HSF2BP: variants seen among roughly 807,000 people sequenced by gnomAD.
HSF2BP encodes heat shock transcription factor 2 binding protein.
In HSF2BP, 35 loss-of-function variants were observed where a neutral mutation model predicts 35.0. That is an observed-to-expected ratio of 1.00 (90% CI 0.76 to 1.32). The LOEUF is 1.32. Among genes scored for constraint, HSF2BP ranks in the 40% most tolerant of loss-of-function variants. The pLI is 0.00. For missense variants in HSF2BP, 326 were observed against 321.7 expected (o/e 1.01, Z -0.10); for synonymous variants, 114 against 117.4 (o/e 0.97, Z 0.18).
At chr21:43,596,427 T>C (rs1360634653) in intron 7 of HSF2BP, among the ~76,000 whole-genome samples, 1 of 151,948 alleles carries the variant, frequency 6.6e-6, no homozygotes, top group Non-Finnish European at 1.5e-5. Context: ...TTAATACTTA[T>C]TCCAGAAAAA....
rs529997070 is a variant in HSF2BP, at chr21:43,616,088, A to G, written c.575-2141T>C. Among the ~76,000 whole-genome samples the G allele has an allele frequency of 4.6e-5, 7 of 152,046 alleles. 1 individual carries two copies. In the East Asian group the frequency reaches 1.4e-3, roughly 29 times the overall value. Reference sequence around the variant, plus strand: ...ATATATATCATAGCAAGCAACATAGAACTATTTGGTAGCCTGACTCCAGAG... The same window carrying G: ...ATATATATCATAGCAAGCAACATAGGACTATTTGGTAGCCTGACTCCAGAG... On this transcript the variant is annotated intron_variant, in intron 6 of 8. Coordinates refer to ENST00000291560, the MANE Select transcript of HSF2BP (RefSeq NM_007031.2).
At chr21:43,596,695 T>G (rs1414274543) in intron 7 of HSF2BP, among the ~76,000 whole-genome samples, 1 of 151,418 alleles carries the variant, frequency 6.6e-6, no homozygotes, top group Admixed American at 6.6e-5. Context: ...CAAGATCCCA[T>G]CTCTTCATTA....
chr21:43,611,326 T>C (rs1390906666), intron 7 of HSF2BP, among the ~76,000 whole-genome samples: 1 of 152,188 alleles, frequency 6.6e-6, no homozygotes, highest in Non-Finnish European at 1.5e-5. Flanking sequence ...GCACAAAATA[T>C]TAAAATGGAC....
At chr21:43,655,501 A>T (rs1169459643) in intron 3 of HSF2BP, among the ~76,000 whole-genome samples, 1 of 152,260 alleles carries the variant, frequency 6.6e-6, no homozygotes, top group African/African-American at 2.4e-5. Flanking sequence ...GAGCAGGGGC[A>T]GTCCAGCAAG....
intron 8 of HSF2BP, among the ~76,000 whole-genome samples, chr21:43,589,172 A>T (rs2081894849): frequency 6.6e-6 from 1 of 152,176 alleles, no homozygotes; most frequent in African/African-American, 2.4e-5. Flanking sequence ...CCCTAGAGGG[A>T]AACATTATCT....
chr21:43,653,202 GAAGGGAAGGGA>G (rs1382670148), intron 3 of HSF2BP, among the ~76,000 whole-genome samples: 29 of 17,106 alleles, frequency 1.7e-3, no homozygotes, highest in Non-Finnish European at 2.6e-3. Context: ...AAGGGAAGGG[GAAGGGAAGGGA>G]AGGGGAAGGG....
intron 3 of HSF2BP, among the ~76,000 whole-genome samples, chr21:43,652,950 C>T (rs920695118): frequency 2.0e-5 from 3 of 152,030 alleles, no homozygotes; most frequent in Non-Finnish European, 4.4e-5. Flanking sequence ...GTCTGGCCAA[C>T]GTGGTGAAAC....
At chr21:43,468,000 CA>C in the HSF2BP span, among the ~76,000 whole-genome samples, 1 of 128,512 alleles carries the variant, frequency 7.8e-6, no homozygotes, top group Non-Finnish European at 1.7e-5. Flanking sequence ...CCACACACAC[CA>C]CACACACCAC....
chr21:43,616,297 A>T (rs962809361), intron 6 of HSF2BP, among the ~76,000 whole-genome samples: 1 of 152,184 alleles, frequency 6.6e-6, no homozygotes, highest in Admixed American at 6.5e-5. Context: ...CTGAGTCACT[A>T]TGAAAGAGTC....
intron 8 of HSF2BP, among the ~76,000 whole-genome samples, chr21:43,572,440 C>T (rs1404847204): frequency 6.6e-6 from 1 of 152,184 alleles, no homozygotes; most frequent in Non-Finnish European, 1.5e-5. Flanking sequence ...GCAAGACGCA[C>T]CCTCAGGAAA....
chr21:43,598,648 A>G (rs1287957820), intron 7 of HSF2BP, among the ~76,000 whole-genome samples: 1 of 150,588 alleles, frequency 6.6e-6, no homozygotes, highest in Non-Finnish European at 1.5e-5. Context: ...GCGGGCTACA[A>G]AATAAGCCAC....
rs772282742 is a variant in HSF2BP at position 43,656,667 on chromosome 21, A to T, written c.107T>A (p.Met36Lys). 4.3e-6 allele frequency: 7 copies of T among 1,613,934 alleles called. No individual in the cohort carries two copies. The East Asian group carries it at 1.3e-4, about 31-fold the overall frequency. ...KDLERLTTEV[M>K]QIRDFLPRIL... is the part of the protein sequence containing the mutation. Reference sequence around the variant, plus strand: ...TCTGGGTAAGAAGTCCCGTATTTGCATCACTTCAGTTGTCAGCCGTTCCAG... The same window carrying T: ...TCTGGGTAAGAAGTCCCGTATTTGCTTCACTTCAGTTGTCAGCCGTTCCAG... The change falls in exon 3 of 9, where the codon ATG (methionine) becomes AAG (lysine). Residue 36 changes from methionine to lysine, a missense_variant. Coordinates refer to ENST00000291560, the MANE Select transcript of HSF2BP (RefSeq NM_007031.2).
At chr21:43,627,592 A>T (rs538814641) in intron 6 of HSF2BP, among the ~76,000 whole-genome samples, 2 of 152,196 alleles carry the variant, frequency 1.3e-5, no homozygotes, top group Non-Finnish European at 2.9e-5. Flanking sequence ...ATGGAATCAG[A>T]TTATCCAGGG....
chr21:43,645,627 G>C (rs2082697881), intron 3 of HSF2BP, among the ~76,000 whole-genome samples: 1 of 152,186 alleles, frequency 6.6e-6, no homozygotes, highest in South Asian at 2.1e-4. Flanking sequence ...AGGCAACTCT[G>C]GTTATCTGTT....
At chr21:43,621,140 A>G (rs532154448) in intron 6 of HSF2BP, among the ~76,000 whole-genome samples, 9 of 152,380 alleles carry the variant, frequency 5.9e-5, no homozygotes, top group African/African-American at 2.2e-4. Context: ...CTCAACATTC[A>G]GAAATAAAGA....
intron 4 of HSF2BP, among the ~76,000 whole-genome samples, chr21:43,640,465 A>G (rs1017614149): frequency 1.3e-5 from 2 of 152,284 alleles, no homozygotes; most frequent in South Asian, 2.1e-4. Flanking sequence ...GCAATGGTAC[A>G]GTTCCAAGTG....
intron 3 of HSF2BP, 110 bp from the exon 4 acceptor site, chr21:43,644,502 G>A: frequency 1.3e-6 from 1 of 749,764 alleles, no homozygotes; most frequent in Non-Finnish European, 2.3e-6. Context: ...TTTCTTAGGT[G>A]AGAATATTTG....
chr21:43,638,056 A>G (rs2082588378), intron 4 of HSF2BP, among the ~76,000 whole-genome samples: 1 of 152,214 alleles, frequency 6.6e-6, no homozygotes, highest in Admixed American at 6.5e-5. Context: ...AAAGGTATAC[A>G]AAGCAGAATG....
chr21:43,606,407 C>A (rs1322183941), intron 7 of HSF2BP, among the ~76,000 whole-genome samples: 2 of 151,932 alleles, frequency 1.3e-5, no homozygotes, highest in Non-Finnish European at 2.9e-5. Flanking sequence ...GGAGGGGAGG[C>A]CATGGAGGCA....
Sources: gnomAD v4.1 joint callset for allele counts (sites outside exome capture counted in the v4.1 genomes callset) on GRCh38, gnomAD v4.1.1 for gene constraint, MANE v1.5 for transcripts, NCBI Gene and HGNC (gene_info 2026-07-23, HGNC 2026-07-21) for gene names.